The following ASCC3 variants were observed in gnomAD, a reference collection of about 807,000 sequenced individuals.
ASCC3 encodes ASC-1 complex subunit P200.
ASCC3 carries 158 observed loss-of-function variants against 256.3 expected under a neutral mutation model. The ratio of observed to expected loss-of-function variants is 0.62; its 90% CI spans 0.54 to 0.70. ASCC3 has a LOEUF of 0.70. Ranked by LOEUF, ASCC3 falls within the 30% of genes least tolerant of loss-of-function variation. The pLI, the probability that ASCC3 is intolerant of heterozygous loss-of-function variation, is 0.00. For synonymous variants in ASCC3, 948 were observed against 883.4 expected, an observed-to-expected ratio of 1.07 and a Z score of -1.30; for missense variants, 2,259 against 2,626.0, an observed-to-expected ratio of 0.86 and a Z score of 3.05.
intron 8 of ASCC3, among the ~76,000 whole-genome samples, chr6:100,792,238 A>C (rs1404232660): frequency 6.6e-6 from 1 of 151,916 alleles, no homozygotes; most frequent in Non-Finnish European, 1.5e-5. Context: ...CTGTTGATAC[A>C]CTAAATCATA....
chr6:100,653,775 T>G (rs1280795635), intron 17 of ASCC3, among the ~76,000 whole-genome samples: 2 of 152,058 alleles, frequency 1.3e-5, no homozygotes, highest in African/African-American at 4.8e-5. Context: ...ATCTAATACT[T>G]TTTCTAAGCA....
rs1773644699 is a variant in ASCC3 at position 100,509,417 on chromosome 6, G to C, written c.6578C>G (p.Ser2193Cys). Residue 2193 changes from serine (S) to cysteine (C), a missense_variant, in exon 42 of 42, where the codon TCT becomes TGT. Ser to Cys is a moderately radical substitution (Grantham distance 112). Around this residue, in one of 2 missense-constraint regions of ASCC3, gnomAD observed 1,839 missense variants for 2,206.7 expected, o/e 0.83. Coordinates refer to ENST00000369162, the MANE Select transcript of ASCC3 (RefSeq NM_006828.4). ...TAATGCCAGGTCAGTCAGGGAATCAGAGACCTTGGTGTTGACCTGTGCAGA... is the reference window on the plus strand; with the variant it reads ...TAATGCCAGGTCAGTCAGGGAATCACAGACCTTGGTGTTGACCTGTGCAGA... ...SLSAQVNTKV[S>C]DSLTDLALK 6.2e-7 allele frequency: 1 copy of C among 1,614,082 alleles called. No individual in the cohort carries two copies. The highest frequency in any genetic ancestry group is 1.3e-5 in the African/African-American group (1 of 74,926).
At chr6:100,523,673 C>G (rs545272302) in intron 37 of ASCC3, among the ~76,000 whole-genome samples, 25 of 152,276 alleles carry the variant, frequency 1.6e-4, no homozygotes, top group African/African-American at 6.0e-4. Context: ...ATTTCCTACG[C>G]ATAACAGGCT....
At chr6:100,630,803 A>T (rs1322054397) in intron 26 of ASCC3, among the ~76,000 whole-genome samples, 1 of 152,092 alleles carries the variant, frequency 6.6e-6, no homozygotes, top group Non-Finnish European at 1.5e-5. Flanking sequence ...AAATACGAAA[A>T]AAATAGAGAG....
intron 30 of ASCC3, among the ~76,000 whole-genome samples, chr6:100,609,609 A>G (rs2114821932): frequency 6.6e-6 from 1 of 152,252 alleles, no homozygotes; most frequent in Admixed American, 6.5e-5. Flanking sequence ...GTTGTAAAGA[A>G]CTAAATAGTT....
chr6:100,699,517 T>C (rs1365569110), intron 13 of ASCC3, among the ~76,000 whole-genome samples: 2 of 151,938 alleles, frequency 1.3e-5, no homozygotes, highest in African/African-American at 4.8e-5. Context: ...AATGGACTAA[T>C]ACAGTAAATT....
Position 100,805,104 on chromosome 6 carries a change from G to A in ASCC3, c.922+656C>T, listed in dbSNP as rs1049141498. Among the ~76,000 whole-genome samples, 4 of 152,154 alleles carry A rather than the reference G, an allele frequency of 2.6e-5. No individual in the cohort carries two copies. In the East Asian group the frequency reaches 5.8e-4, roughly 22 times the overall value. ...AAGAAATTGTTCTGTTTCCTGAATT[G>A]AGTCCATAGTAATATTTTTCTTACA... On this transcript the variant is annotated intron_variant, in intron 5 of 41. Transcript: ENST00000369162.
At chr6:100,563,631 A>G (rs1207648334) in intron 36 of ASCC3, among the ~76,000 whole-genome samples, 1 of 152,128 alleles carries the variant, frequency 6.6e-6, no homozygotes, top group Non-Finnish European at 1.5e-5. Context: ...GAGCAGTTGA[A>G]GATGGGGGCT....
At chr6:100,555,640 T>C (rs1489266502) in intron 36 of ASCC3, among the ~76,000 whole-genome samples, 4 of 152,194 alleles carry the variant, frequency 2.6e-5, no homozygotes, top group Non-Finnish European at 5.9e-5. Context: ...TGCCCTTTGA[T>C]GAAACTTGAA....
intron 22 of ASCC3, among the ~76,000 whole-genome samples, chr6:100,646,056 T>C (rs908853333): frequency 6.6e-6 from 1 of 152,070 alleles, no homozygotes; most frequent in African/African-American, 2.4e-5. Flanking sequence ...CTTTTTACCA[T>C]GAAAAATCTT....
rs532027097 is a variant in ASCC3 at position 100,534,020 on chromosome 6, C to T, written c.5775+6143G>A. On this transcript the variant is annotated intron_variant, in intron 37 of 41. Coordinates refer to ENST00000369162, the MANE Select transcript of ASCC3 (RefSeq NM_006828.4). ...TGTCAGGGCTGGGCGTGGTGGCTCA[C>T]GCCTGTAGTCCTAGAAGTTTGAGAC... Among the ~76,000 whole-genome samples, 14 of 152,276 alleles carry T rather than the reference C, an allele frequency of 9.2e-5. No individual in the cohort carries two copies. The East Asian group carries it at 9.7e-4, about 11-fold the overall frequency.
At chr6:100,642,378 C>G (rs1775166626) in intron 24 of ASCC3, among the ~76,000 whole-genome samples, 1 of 151,796 alleles carries the variant, frequency 6.6e-6, no homozygotes, top group Admixed American at 6.6e-5. Flanking sequence ...TTTAAGTAAA[C>G]TGGAATAAAC....
chr6:100,642,862 C>G (rs1271483937), intron 23 of ASCC3, 113 bp from the exon 24 acceptor site: 1 of 1,036,234 alleles, frequency 9.7e-7, no homozygotes, highest in Non-Finnish European at 1.4e-6. Context: ...GACAAAGTAT[C>G]TTGAATTTGT....
In ASCC3 at chr6:100,610,700, AG is replaced by A. The variant is rs1440432032; in HGVS notation, c.4786-3613del. On this transcript the variant is annotated intron_variant, in intron 30 of 41. Coordinates refer to ENST00000369162, the MANE Select transcript of ASCC3 (RefSeq NM_006828.4). ...GTATTATTTACTTTATGAACTGTTAAGCAGGAATATGGAAATATATTAGTAT... is the reference window on the plus strand; with the variant it reads ...GTATTATTTACTTTATGAACTGTTAACAGGAATATGGAAATATATTAGTAT... Among the ~76,000 whole-genome samples, 21 of 152,308 alleles carry A rather than the reference AG, an allele frequency of 1.4e-4. 1 individual carries two copies. The highest frequency in any genetic ancestry group is 5.9e-4 in the Admixed American group (9 of 15,298).
chr6:100,757,485 A>C lies in ASCC3; in HGVS notation c.1737+9080T>G, dbSNP rs1781234059. On this transcript the variant is annotated intron_variant, in intron 10 of 41. Coordinates refer to ENST00000369162, the MANE Select transcript of ASCC3 (RefSeq NM_006828.4). Reference sequence around the variant, plus strand: ...TTAAGACTTAAATCTAAAAAATAAAACTTTAAATCATTCAGAAGAAAAATG... The same window carrying C: ...TTAAGACTTAAATCTAAAAAATAAACCTTTAAATCATTCAGAAGAAAAATG... Among the ~76,000 whole-genome samples the C allele has an allele frequency of 2.0e-5, 3 of 149,218 alleles. No homozygotes were observed. In the South Asian group the frequency reaches 6.2e-4, roughly 31 times the overall value.
chr6:100,805,338 AC>A (rs1311447236), intron 5 of ASCC3, among the ~76,000 whole-genome samples: 1 of 152,098 alleles, frequency 6.6e-6, no homozygotes, highest in Non-Finnish European at 1.5e-5. Context: ...GATGGAAACA[AC>A]AGACACTAGG....
intron 3 of ASCC3, among the ~76,000 whole-genome samples, chr6:100,856,053 T>C (rs572575343): frequency 2.8e-4 from 42 of 152,256 alleles, no homozygotes; most frequent in African/African-American, 1.0e-3. Flanking sequence ...TACACAGATA[T>C]AATGCCTAGA....
At chr6:100,823,449 A>G (rs994518199) in intron 4 of ASCC3, among the ~76,000 whole-genome samples, 1 of 152,188 alleles carries the variant, frequency 6.6e-6, no homozygotes, top group Admixed American at 6.5e-5. Context: ...GCTCTCCAAC[A>G]ATGAAAAGGC....
intron 40 of ASCC3, chr6:100,510,340 A>G: frequency 2.0e-6 from 1 of 508,886 alleles, no homozygotes; most frequent in South Asian, 2.7e-5. Context: ...CGTAGTTGTA[A>G]CTATCAGAAT....
Sources: allele counts gnomAD v4.1 joint callset (sites outside exome capture counted in the v4.1 genomes callset), GRCh38; gene constraint gnomAD v4.1.1; regional missense constraint gnomAD v4.1.1; transcripts MANE v1.5; gene names NCBI Gene and HGNC (gene_info 2026-07-23, HGNC 2026-07-21).